The following ACOT11 variants were observed in gnomAD, a reference collection of about 807,000 sequenced individuals.
ACOT11 encodes the protein acyl-coenzyme A thioesterase 11.
In ACOT11, 69 loss-of-function variants were observed where a neutral mutation model predicts 77.5. The observed-to-expected ratio is 0.89, with a 90% CI of 0.73 to 1.09. The LOEUF is 1.09. ACOT11 is among the 50% of genes least tolerant of loss of function. The pLI is 0.00. For missense variants in ACOT11, 766 were observed against 813.7 expected, an observed-to-expected ratio of 0.94 and a Z score of 0.71; for synonymous variants, 279 against 313.0, an observed-to-expected ratio of 0.89 and a Z score of 1.15.
rs142996247 is a variant in ACOT11, at chr1:54,553,474, AC to A, written c.33+5133del. On this transcript the variant is annotated intron_variant, in intron 1 of 15. Transcript: ENST00000343744. Reference sequence around the variant, plus strand: ...CCGAACAAGACTCTGTCTCAAAAAAACATTAAAAAAAAAAAATGGACAGGTA... The same window carrying A: ...CCGAACAAGACTCTGTCTCAAAAAAAATTAAAAAAAAAAAATGGACAGGTA... 9.1e-3 allele frequency among the ~76,000 whole-genome samples: 1,386 copies of A among 151,918 alleles called. 22 individuals are homozygous for A. Among genetic ancestry groups the A allele is most frequent in the African/African-American group, 0.031 (1,288 of 41,354 alleles).
At chr1:54,591,336 A>C (rs1431379265) in intron 3 of ACOT11, among the ~76,000 whole-genome samples, 1 of 152,230 alleles carries the variant, frequency 6.6e-6, no homozygotes, top group Non-Finnish European at 1.5e-5. Flanking sequence ...AAATGGACTC[A>C]GAGAGGCAAA....
chr1:54,621,799 GT>G (rs1482254658), intron 15 of ACOT11: 1 of 152,504 alleles, frequency 6.6e-6, no homozygotes, highest in East Asian at 1.9e-4. Context: ...AGGTACCTGT[GT>G]GAATGGAGGA....
At position 54,609,586 on chromosome 1, in the gene ACOT11, C is replaced by T; in HGVS notation, c.*474C>T. 6.2e-7 allele frequency: 1 copy of T among 1,613,114 alleles called. No individual in the cohort carries two copies. The highest frequency in any genetic ancestry group is 8.5e-7 in the Non-Finnish European group (1 of 1,180,030). On this transcript the variant is annotated 3_prime_UTR_variant, in exon 16 of 16. Transcript: ENST00000343744. ...AGCCACTGCCCAGCACCTCCTCAGG[C>T]CAGCCTGGTGCCACAGTCACGTGGG... is the stretch of plus-strand genomic sequence containing the variant.
intron 6 of ACOT11, among the ~76,000 whole-genome samples, chr1:54,596,775 A>G (rs1365020322): frequency 2.0e-5 from 3 of 152,140 alleles, no homozygotes; most frequent in Non-Finnish European, 4.4e-5. Flanking sequence ...AAGTTTCACC[A>G]TGTTGGCCAG....
intron 9 of ACOT11, 74 bp downstream of exon 9, chr1:54,601,487 G>A: frequency 6.4e-7 from 1 of 1,565,456 alleles, no homozygotes; most frequent in Non-Finnish European, 8.6e-7. Context: ...GGTGGAGACT[G>A]CCAGCCCCCT....
intron 13 of ACOT11, among the ~76,000 whole-genome samples, 166 bp from the exon 14 acceptor site, chr1:54,606,968 G>C (rs1487140138): frequency 6.6e-6 from 1 of 152,232 alleles, no homozygotes; most frequent in Non-Finnish European, 1.5e-5. Flanking sequence ...GTCCATCTTG[G>C]CTGGGCTTTG....
intron 3 of ACOT11, among the ~76,000 whole-genome samples, chr1:54,588,226 TAAAG>T (rs2100983542): frequency 6.6e-6 from 1 of 152,074 alleles, no homozygotes; most frequent in Admixed American, 6.5e-5. Flanking sequence ...AAAATAAAAA[TAAAG>T]ATAGTACAGA....
rs761962595 is a variant in ACOT11, at chr1:54,607,954, C to A, written c.1515C>A (p.Val505=). 6.1e-5 allele frequency: 99 copies of A among 1,613,828 alleles called. No individual in the cohort carries two copies. Among genetic ancestry groups the A allele is most frequent in the Non-Finnish European group, 8.4e-5 (99 of 1,179,950 alleles). The change falls in exon 15 of 16, where the codon GTC becomes GTA. Residue 505 remains valine, a synonymous_variant. Transcript: ENST00000343744. The surrounding 1 kb of genome is among the most constrained non-coding windows in gnomAD (Gnocchi z 4.5). ...TTCCTTCACTCAGGGACCCCTATGT[C>A]ATCGCGCTGAGGTCGGTCACGCTGC... The part of the protein sequence containing the change: ...RKPCDNGDPY[V]IALRSVTLPT...
intron 15 of ACOT11, chr1:54,623,364 T>C (rs1644250101): frequency 6.2e-7 from 1 of 1,613,310 alleles, no homozygotes; most frequent in African/African-American, 1.3e-5. Context: ...CCACTTGACC[T>C]GATTCTTTGA....
chr1:54,577,226 AC>A (rs1654146589), intron 1 of ACOT11, among the ~76,000 whole-genome samples: 1 of 152,210 alleles, frequency 6.6e-6, no homozygotes, highest in African/African-American at 2.4e-5. Context: ...TTGTACAACC[AC>A]CACCTCTGTC....
intron 1 of ACOT11, among the ~76,000 whole-genome samples, chr1:54,576,942 C>A (rs565845915): frequency 9.2e-5 from 14 of 152,272 alleles, no homozygotes; most frequent in African/African-American, 3.4e-4. Flanking sequence ...AAGGCCCAGA[C>A]ATCTAATAAT....
intron 1 of ACOT11, among the ~76,000 whole-genome samples, chr1:54,551,130 C>CAAAAAAAAA (rs11367325): frequency 1.1e-5 from 1 of 90,952 alleles, no homozygotes; most frequent in Non-Finnish European, 2.1e-5. Flanking sequence ...ACAGTGGTCT[C>CAAAAAAAAA]AAAAAAAAAA....
At position 54,594,017 on chromosome 1, in the gene ACOT11, T is replaced by G; in HGVS notation, c.449T>G (p.Val150Gly). 1 of 1,613,984 alleles carries G rather than the reference T, an allele frequency of 6.2e-7. No individual in the cohort carries two copies. Residue 150 changes from valine to glycine, a missense_variant, in exon 5 of 16, where the codon GTG (valine) becomes GGG (glycine). Val to Gly is a moderately radical substitution (Grantham distance 109, BLOSUM62 -3). Transcript: ENST00000343744. ...GTGTGCAAGGCCTTGGCCACCTTCG[T>G]GGCCCGCCGAGAGATCACCAAGGTA... ...WNVCKALATF[V>G]ARREITKVKL...
At chr1:54,620,313 C>G (rs1009005935) in intron 15 of ACOT11, among the ~76,000 whole-genome samples, 2 of 152,194 alleles carry the variant, frequency 1.3e-5, no homozygotes, top group Non-Finnish European at 2.9e-5. Flanking sequence ...TAGGTTATTC[C>G]AGACAGAGAG....
Position 54,609,420 on chromosome 1 carries a change from T to C in ACOT11, c.*308T>C. ...GCTGGGTTGTGCTCCACTGTGACGG[T>C]GGCCCGGGGGGAGGATGCCAGCAGC... On this transcript the variant is annotated 3_prime_UTR_variant, in exon 16 of 16. Coordinates refer to ENST00000343744, the MANE Select transcript of ACOT11 (RefSeq NM_147161.4). 6.2e-7 allele frequency: 1 copy of C among 1,613,930 alleles called. No individual in the cohort carries two copies. Among genetic ancestry groups the C allele is most frequent in the Non-Finnish European group, 8.5e-7 (1 of 1,180,014 alleles).
exon 17 of ACOT11, chr1:54,637,767 A>G (rs1644339213): frequency 2.0e-5 from 3 of 152,186 alleles, no homozygotes; most frequent in Admixed American, 2.0e-4. Context: ...AGCCGGGGTA[A>G]GAGAGCGAGA....
At chr1:54,623,824 G>A (rs1477654010) in intron 15 of ACOT11, among the ~76,000 whole-genome samples, 2 of 152,206 alleles carry the variant, frequency 1.3e-5, no homozygotes, top group African/African-American at 2.4e-5. Flanking sequence ...GTAAAAGGAG[G>A]CACTAGACTG....
rs536369588 is a variant in ACOT11 at position 54,567,723 on chromosome 1, G to C, written c.34-16932G>C. On this transcript the variant is annotated intron_variant, in intron 1 of 15. Transcript: ENST00000343744. ...CACCCTCTCCAACTGGCACCACCCT[G>C]TCCCTTCTCACACACGTGGAGTCCT... Among the ~76,000 whole-genome samples, 75 of 152,056 alleles carry C rather than the reference G, an allele frequency of 4.9e-4. 1 individual carries two copies. The highest frequency in any genetic ancestry group is 1.5e-4 in the Non-Finnish European group (10 of 67,996).
Position 54,609,133 on chromosome 1 carries a change from A to G in ACOT11, c.*21A>G. 1.2e-6 allele frequency: 2 copies of G among 1,613,880 alleles called. No individual in the cohort carries two copies. The highest frequency in any genetic ancestry group is 1.1e-5 in the South Asian group (1 of 91,062). On this transcript the variant is annotated 3_prime_UTR_variant, in exon 16 of 16. Coordinates refer to ENST00000343744, the MANE Select transcript of ACOT11 (RefSeq NM_147161.4). ...TCTAGATGCCCTCAGTGGCCACATC[A>G]TGCCCACTCCCACTCCATCCTGTCC...
Sources: allele counts gnomAD v4.1 joint callset (sites outside exome capture counted in the v4.1 genomes callset), GRCh38; gene constraint gnomAD v4.1.1; non-coding constraint Gnocchi (gnomAD v3.1); transcripts MANE v1.5; gene names NCBI Gene and HGNC (gene_info 2026-07-23, HGNC 2026-07-21).